Variants in SLC8A3 observed in about 807,000 individuals in gnomAD.
SLC8A3 encodes the protein solute carrier family 8 member A3.
Under a neutral mutation model 65.4 loss-of-function variants are expected in SLC8A3, and 37 were observed. The observed-to-expected ratio is 0.57, with a 90% CI of 0.44 to 0.74. SLC8A3 has a LOEUF of 0.74. Among genes scored for constraint, SLC8A3 ranks in the 30% least tolerant of loss-of-function variants. SLC8A3 has a pLI of 0.00. For missense variants in SLC8A3, 1,112 were observed against 1,172.1 expected (o/e 0.95, Z 0.75); for synonymous variants, 461 against 444.5 (o/e 1.04, Z -0.47).
intron 1 of SLC8A3, among the ~76,000 whole-genome samples, chr14:70,173,382 C>T (rs17107921): frequency 1.3e-5 from 2 of 152,166 alleles, no homozygotes; most frequent in East Asian, 3.9e-4. Context: ...AGCCCCGAGC[C>T]TCTCATCCCT....
At chr14:70,147,608 A>C (rs1044116011) in intron 2 of SLC8A3, among the ~76,000 whole-genome samples, 1 of 152,178 alleles carries the variant, frequency 6.6e-6, no homozygotes, top group Non-Finnish European at 1.5e-5. Flanking sequence ...AGTGGACCTG[A>C]CCTAATCAGG....
chr14:70,087,879 C>A (rs972292647), intron 2 of SLC8A3, among the ~76,000 whole-genome samples: 3 of 152,232 alleles, frequency 2.0e-5, no homozygotes, highest in Middle Eastern at 3.4e-3. Context: ...TCTACATATG[C>A]AAGGAAATGT....
intron 2 of SLC8A3, among the ~76,000 whole-genome samples, chr14:70,130,405 C>T (rs1006068871): frequency 9.2e-5 from 14 of 152,268 alleles, no homozygotes; most frequent in South Asian, 2.1e-4. Flanking sequence ...TGTGCATGCA[C>T]GTGTGTGTGC....
rs537183790 is a variant in SLC8A3, at chr14:70,045,215, G to T, written c.*732C>A. On this transcript the variant is annotated 3_prime_UTR_variant, in exon 7 of 7. Transcript: ENST00000356921. ...TCCTGTAAGATCTTTAGTACCCTGC[G>T]TGGGTGAGTGAGCTTATTTCTACCC... 1 of 152,132 alleles carries T rather than the reference G, an allele frequency of 6.6e-6. No homozygotes were observed. The highest frequency in any genetic ancestry group is 1.5e-5 in the Non-Finnish European group (1 of 68,042). 9.4% of individuals were successfully genotyped at this position (152,132 alleles called of 1,614,324 possible). A position where few individuals can be genotyped will look rare whatever the true frequency, so the allele number is the denominator to read the frequency against.
intron 2 of SLC8A3, among the ~76,000 whole-genome samples, chr14:70,146,238 T>A (rs548462198): frequency 3.3e-5 from 5 of 152,310 alleles, no homozygotes; most frequent in African/African-American, 1.2e-4. Context: ...ATGTGTAATG[T>A]CGACAATGCC....
intron 2 of SLC8A3, among the ~76,000 whole-genome samples, chr14:70,147,903 A>T (rs73276782): frequency 0.064 from 9,820 of 152,302 alleles, 373 homozygotes; most frequent in African/African-American, 0.097. Context: ...GCTCTAGCAG[A>T]ATCAGGGTTC....
intron 2 of SLC8A3, among the ~76,000 whole-genome samples, chr14:70,097,750 A>G (rs1442439055): frequency 6.6e-6 from 1 of 152,162 alleles, no homozygotes; most frequent in Non-Finnish European, 1.5e-5. Context: ...ACACTCCAAC[A>G]ATCCAATGCA....
intron 2 of SLC8A3, among the ~76,000 whole-genome samples, chr14:70,129,666 T>C (rs1246451813): frequency 3.3e-5 from 5 of 151,968 alleles, no homozygotes; most frequent in African/African-American, 1.2e-4. Context: ...AAGAGGGAGA[T>C]AGTTGTATAT....
Position 70,048,855 on chromosome 14 carries a change from C to T in SLC8A3, c.2301G>A (p.Gly767=). Residue 767 remains glycine, a synonymous_variant, in exon 6 of 7, where the codon GGG becomes GGA. Coordinates refer to ENST00000356921, the MANE Select transcript of SLC8A3 (RefSeq NM_182932.3). The stretch of plus-strand genomic sequence containing the variant: ...TGCAGCCGAAGTGCGAGGCCAGGTC[C>T]CCAATGATGGCGGTGAGCATGCCAA... ...LIIGMLTAII[G]DLASHFGCTI... The T allele has an allele frequency of 6.2e-7, 1 of 1,614,086 alleles. No individual in the cohort carries two copies. The highest frequency in any genetic ancestry group is 1.1e-5 in the South Asian group (1 of 91,036).
intron 2 of SLC8A3, among the ~76,000 whole-genome samples, chr14:70,142,796 G>A (rs1022087711): frequency 6.6e-6 from 1 of 152,078 alleles, no homozygotes. Context: ...AGTCTAGAGG[G>A]CAAGGTTCTG....
At chr14:70,098,187 A>G (rs150123759) in intron 2 of SLC8A3, among the ~76,000 whole-genome samples, 14 of 152,326 alleles carry the variant, frequency 9.2e-5, no homozygotes, top group African/African-American at 3.1e-4. Flanking sequence ...ATGGGCTTCC[A>G]GTGGGAAGAG....
At chr14:70,151,099 A>G (rs545088054) in intron 2 of SLC8A3, among the ~76,000 whole-genome samples, 1 of 151,936 alleles carries the variant, frequency 6.6e-6, no homozygotes, top group African/African-American at 2.4e-5. Context: ...CTAAAAGTAC[A>G]AAAAATTGGC....
At chr14:70,187,773 G>A (rs934280222) in intron 1 of SLC8A3, among the ~76,000 whole-genome samples, 1 of 151,980 alleles carries the variant, frequency 6.6e-6, no homozygotes, top group African/African-American at 2.4e-5. Context: ...CTTCTCCCTC[G>A]CCCCCTTGGC....
intron 1 of SLC8A3, among the ~76,000 whole-genome samples, chr14:70,176,106 T>A (rs1373527146): frequency 6.6e-6 from 1 of 152,210 alleles, no homozygotes; most frequent in African/African-American, 2.4e-5. Context: ...CCTCTAAAAT[T>A]CTGTGATTCA....
intron 2 of SLC8A3, among the ~76,000 whole-genome samples, chr14:70,132,508 G>T (rs1055854638): frequency 6.6e-6 from 1 of 152,190 alleles, no homozygotes; most frequent in African/African-American, 2.4e-5. Context: ...CACAGAAGCA[G>T]CATTGTCTGT....
intron 3 of SLC8A3, among the ~76,000 whole-genome samples, chr14:70,059,991 C>A (rs976203175): frequency 6.6e-6 from 1 of 152,152 alleles, no homozygotes; most frequent in African/African-American, 2.4e-5. Context: ...AGGCACCCAA[C>A]CTTGGGCTAG....
At chr14:70,053,825 A>G (rs1057505991) in intron 3 of SLC8A3, among the ~76,000 whole-genome samples, 1 of 152,116 alleles carries the variant, frequency 6.6e-6, no homozygotes, top group African/African-American at 2.4e-5. Flanking sequence ...TTGTTAATTG[A>G]TTGAGTCACA....
intron 6 of SLC8A3, 167 bp downstream of exon 6, chr14:70,048,600 T>C (rs1468346150): frequency 2.8e-6 from 2 of 709,450 alleles, no homozygotes; most frequent in Admixed American, 4.0e-5. Flanking sequence ...TTAGCTGTCA[T>C]TACTAATGTC....
intron 2 of SLC8A3, among the ~76,000 whole-genome samples, chr14:70,139,392 T>C (rs954624137): frequency 6.6e-6 from 1 of 152,188 alleles, no homozygotes; most frequent in Admixed American, 6.5e-5. Context: ...AAGCCCTCTT[T>C]GATGGCATCA....
Sources: gnomAD v4.1 joint callset for allele counts (sites outside exome capture counted in the v4.1 genomes callset) on GRCh38, gnomAD v4.1.1 for gene constraint, MANE v1.5 for transcripts, NCBI Gene and HGNC (gene_info 2026-07-23, HGNC 2026-07-21) for gene names.